Variants in THSD7B observed in about 807,000 individuals in gnomAD.
THSD7B encodes thrombospondin type 1 domain containing 7B.
Under a neutral mutation model 213.6 loss-of-function variants are expected in THSD7B, and 138 were observed. That is an observed-to-expected ratio of 0.65 (90% CI 0.56 to 0.74). The LOEUF (loss-of-function observed/expected upper bound fraction) is 0.74, where lower values mean the gene tolerates loss of function less well. Among genes scored for constraint, THSD7B ranks in the 30% least tolerant of loss-of-function variants. The probability of loss-of-function intolerance (pLI) is 0.00; values close to 1 mark genes in which losing one functional copy is unlikely to be tolerated. For missense variants in THSD7B, 1,931 were observed against 1,991.5 expected (o/e 0.97, Z 0.58); for synonymous variants, 742 against 687.0 (o/e 1.08, Z -1.25).
At chr2:136,833,985 T>A (rs1465473767) in intron 1 of THSD7B, among the ~76,000 whole-genome samples, 2 of 152,214 alleles carry the variant, frequency 1.3e-5, no homozygotes, top group Non-Finnish European at 2.9e-5. Flanking sequence ...TAGAGTTTAA[T>A]AGTTTAGCCA....
At chr2:137,190,469 G>T (rs890982038) in intron 7 of THSD7B, among the ~76,000 whole-genome samples, 3 of 152,152 alleles carry the variant, frequency 2.0e-5, no homozygotes, top group Non-Finnish European at 4.4e-5. Flanking sequence ...GCATGGGATT[G>T]CCATGGTGAC....
At chr2:137,063,203 CAT>C (rs36055092) in intron 3 of THSD7B, among the ~76,000 whole-genome samples, 25,542 of 151,574 alleles carry the variant, frequency 0.17, 2,895 homozygotes, top group African/African-American at 0.31. Context: ...TTGTAGATAA[CAT>C]ATAATTGGAT....
At chr2:137,642,984 C>A (rs147992638) in intron 21 of THSD7B, among the ~76,000 whole-genome samples, 24 of 152,250 alleles carry the variant, frequency 1.6e-4, no homozygotes, top group African/African-American at 5.3e-4. Context: ...AAATGCATAG[C>A]TTGCTTTAGA....
chr2:137,334,159 T>C (rs1684581367), intron 12 of THSD7B, among the ~76,000 whole-genome samples: 1 of 85,780 alleles, frequency 1.2e-5, no homozygotes, highest in Non-Finnish European at 2.5e-5. Context: ...TTCATTTCTT[T>C]CTTTCTCTCT....
At chr2:137,184,062 T>C (rs535611122) in intron 7 of THSD7B, among the ~76,000 whole-genome samples, 123 of 152,258 alleles carry the variant, frequency 8.1e-4, no homozygotes, top group Non-Finnish European at 7.1e-4. Context: ...GCATTGGTGG[T>C]TCTCACAGTT....
chr2:137,316,764 AAAAAAG>A (rs1185385282), intron 12 of THSD7B, among the ~76,000 whole-genome samples: 1 of 119,894 alleles, frequency 8.3e-6, no homozygotes, highest in Non-Finnish European at 1.9e-5. Flanking sequence ...TCTCAAAAAA[AAAAAAG>A]AAAAAGAAAA....
intron 2 of THSD7B, among the ~76,000 whole-genome samples, chr2:136,937,016 A>G (rs923288801): frequency 4.6e-5 from 7 of 152,100 alleles, no homozygotes; most frequent in Admixed American, 6.6e-5. Context: ...GTTCAGCACA[A>G]TGGTTTTTGT....
chr2:136,992,412 A>G (rs1161423735), intron 2 of THSD7B, among the ~76,000 whole-genome samples: 1 of 152,236 alleles, frequency 6.6e-6, no homozygotes, highest in Non-Finnish European at 1.5e-5. Context: ...AGAGGTATAT[A>G]TGTCTTATTG....
At chr2:137,228,807 T>C (rs918986514) in intron 7 of THSD7B, among the ~76,000 whole-genome samples, 4 of 152,226 alleles carry the variant, frequency 2.6e-5, no homozygotes, top group African/African-American at 9.7e-5. Flanking sequence ...TAATAGCTCA[T>C]CTTCATCATT....
intron 9 of THSD7B, among the ~76,000 whole-genome samples, chr2:137,233,618 C>T (rs1287243280): frequency 6.6e-6 from 1 of 152,080 alleles, no homozygotes; most frequent in Non-Finnish European, 1.5e-5. Context: ...AGTTTACAAT[C>T]TCATGCATGT....
At chr2:136,814,161 G>A (rs1299171271) in intron 1 of THSD7B, among the ~76,000 whole-genome samples, 1 of 152,114 alleles carries the variant, frequency 6.6e-6, no homozygotes, top group East Asian at 1.9e-4. Context: ...TACATGAACT[G>A]CATAAATTGC....
chr2:136,845,246 G>A (rs1416208797), intron 1 of THSD7B, among the ~76,000 whole-genome samples: 2 of 152,148 alleles, frequency 1.3e-5, no homozygotes, highest in Admixed American at 6.5e-5. Flanking sequence ...TATGAATAGC[G>A]TAGCGGTAAA....
chr2:137,562,392 T>C (rs1681137524), intron 15 of THSD7B, among the ~76,000 whole-genome samples: 1 of 152,010 alleles, frequency 6.6e-6, no homozygotes, highest in African/African-American at 2.4e-5. Flanking sequence ...GCAATGCAAT[T>C]GAAATGCAGC....
At chr2:136,858,342 A>G (rs942061531) in intron 1 of THSD7B, among the ~76,000 whole-genome samples, 2 of 152,126 alleles carry the variant, frequency 1.3e-5, no homozygotes, top group African/African-American at 4.8e-5. Context: ...GTTCTATCCA[A>G]TGTGGGGATT....
At chr2:137,543,293 A>G (rs1053775875) in intron 15 of THSD7B, among the ~76,000 whole-genome samples, 6 of 151,858 alleles carry the variant, frequency 4.0e-5, no homozygotes, top group African/African-American at 1.2e-4. Flanking sequence ...GAAAATATGT[A>G]GAACATTCAG....
intron 2 of THSD7B, among the ~76,000 whole-genome samples, chr2:137,041,822 G>A (rs909920921): frequency 2.0e-5 from 3 of 151,978 alleles, no homozygotes; most frequent in Admixed American, 6.6e-5. Flanking sequence ...GCTATAATTC[G>A]CTAATGTGTG....
intron 15 of THSD7B, among the ~76,000 whole-genome samples, chr2:137,557,791 A>G (rs1681011166): frequency 1.3e-5 from 2 of 152,302 alleles, no homozygotes; most frequent in East Asian, 1.9e-4. Context: ...TTTTTTGAAA[A>G]GATCAACAAA....
At chr2:137,173,558 A>G (rs1680305311) in intron 7 of THSD7B, among the ~76,000 whole-genome samples, 1 of 152,142 alleles carries the variant, frequency 6.6e-6, no homozygotes, top group African/African-American at 2.4e-5. Flanking sequence ...TACACACTGA[A>G]CTTATGTGTG....
At chr2:137,323,187 A>G (rs1310251035) in intron 12 of THSD7B, among the ~76,000 whole-genome samples, 2 of 152,236 alleles carry the variant, frequency 1.3e-5, no homozygotes, top group African/African-American at 4.8e-5. Flanking sequence ...CGGAGTTAAA[A>G]AGATTCTACA....
Sources: gnomAD v4.1 joint callset for allele counts (sites outside exome capture counted in the v4.1 genomes callset) on GRCh38, gnomAD v4.1.1 for gene constraint, MANE v1.5 for transcripts, NCBI Gene and HGNC (gene_info 2026-07-23, HGNC 2026-07-21) for gene names.